The following FMN1 variants were observed in gnomAD, a reference collection of about 807,000 sequenced individuals.
FMN1 encodes formin 1, also known as formin-1.
In FMN1, 110 loss-of-function variants were observed where a neutral mutation model predicts 132.4. The observed-to-expected ratio is 0.83, with a 90% CI of 0.71 to 0.97. The LOEUF is 0.97. Among genes scored for constraint, FMN1 ranks in the 50% least tolerant of loss-of-function variants. The probability of loss-of-function intolerance (pLI) is 0.00; values close to 1 mark genes in which losing one functional copy is unlikely to be tolerated. For synonymous variants in FMN1, 722 were observed against 651.7 expected (o/e 1.11, Z -1.64); for missense variants, 1,792 against 1,705.3 (o/e 1.05, Z -0.90).
chr15:33,059,024 A>G (rs80263855), intron 6 of FMN1, among the ~76,000 whole-genome samples: 2,317 of 152,276 alleles, frequency 0.015, 56 homozygotes, highest in African/African-American at 0.053. Flanking sequence ...GTGCCCTTTG[A>G]TCAACAACTC....
intron 5 of FMN1, among the ~76,000 whole-genome samples, chr15:33,079,142 GTT>G (rs1000593886): frequency 1.7e-4 from 26 of 152,030 alleles, no homozygotes; most frequent in African/African-American, 5.8e-4. Context: ...ATAATACAGA[GTT>G]TTCTCTGTAT....
chr15:33,080,965 G>C (rs571719562), intron 5 of FMN1, among the ~76,000 whole-genome samples: 3 of 152,134 alleles, frequency 2.0e-5, no homozygotes, highest in South Asian at 4.2e-4. Context: ...CCCGGAGCTT[G>C]CTTCAAGGCT....
intron 4 of FMN1, among the ~76,000 whole-genome samples, chr15:33,152,596 C>A (rs1478611864): frequency 6.6e-6 from 1 of 151,892 alleles, no homozygotes; most frequent in Non-Finnish European, 1.5e-5. Flanking sequence ...GAAGACACAG[C>A]GTACTTTTGC....
Position 32,968,800 on chromosome 15 carries a change from G to A in FMN1, c.2901C>T (p.Ser967=), listed in dbSNP as rs528128945. Residue 967 remains serine (S), a synonymous_variant, in exon 8 of 21, where the codon TCC becomes TCT. Transcript: ENST00000616417. ...TGGCTGGTTTTCGAGGACATTGACT[G>A]GAAGAAGAGCCAAGTCCAAAGAAGA... ...PGLFFGLGSS[S]SQCPRKPAIE... 1 of 1,612,794 alleles carries A rather than the reference G, an allele frequency of 6.2e-7. No homozygotes were observed. The highest frequency in any genetic ancestry group is 1.1e-5 in the South Asian group (1 of 90,940).
chr15:33,114,310 T>C (rs1352275839), intron 4 of FMN1, among the ~76,000 whole-genome samples: 2 of 152,214 alleles, frequency 1.3e-5, no homozygotes, highest in African/African-American at 2.4e-5. Context: ...TATAGCATCC[T>C]AAAAGCCTAA....
chr15:32,789,513 G>T (rs2056996510), intron 19 of FMN1, among the ~76,000 whole-genome samples: 1 of 152,164 alleles, frequency 6.6e-6, no homozygotes, highest in African/African-American at 2.4e-5. Flanking sequence ...CATATATGAT[G>T]GTGGTCCCAT....
At chr15:32,836,742 C>A (rs1387340439) in intron 17 of FMN1, among the ~76,000 whole-genome samples, 1 of 152,086 alleles carries the variant, frequency 6.6e-6, no homozygotes, top group Non-Finnish European at 1.5e-5. Flanking sequence ...CTTTTAAAAT[C>A]TGAAAACAAG....
chr15:32,825,108 T>C (rs2058330754), intron 17 of FMN1, among the ~76,000 whole-genome samples: 1 of 152,216 alleles, frequency 6.6e-6, no homozygotes, highest in Admixed American at 6.5e-5. Context: ...CATCCATACT[T>C]TTCCATCTCA....
Position 33,194,337 on chromosome 15 carries a change from G to A in FMN1, c.-349+241C>T, listed in dbSNP as rs944303425. ...GCTGGGACCTGAGAGTCAACGACAG[G>A]AGTTCTGTAGTGAGGAGCGTTGGGA... is the stretch of plus-strand genomic sequence containing the variant. On this transcript the variant is annotated intron_variant, in intron 1 of 20. Transcript: ENST00000616417. Among the ~76,000 whole-genome samples, 6 of 141,448 alleles carry A rather than the reference G, an allele frequency of 4.2e-5. No individual in the cohort carries two copies. In the Admixed American group the frequency reaches 4.3e-4, roughly 10 times the overall value. 92.8% of individuals were successfully genotyped at this position (141,448 alleles called of 152,430 possible).
At chr15:33,188,973 G>T (rs193112941) in intron 2 of FMN1, among the ~76,000 whole-genome samples, 1 of 152,076 alleles carries the variant, frequency 6.6e-6, no homozygotes, top group Non-Finnish European at 1.5e-5. Flanking sequence ...ACTGTTGCTT[G>T]CTGCTTGAAA....
chr15:33,035,144 TTTA>T (rs1338546716), intron 6 of FMN1, among the ~76,000 whole-genome samples: 1 of 152,206 alleles, frequency 6.6e-6, no homozygotes, highest in Non-Finnish European at 1.5e-5. Flanking sequence ...TATGTACTCC[TTTA>T]TTATCACATT....
Position 32,969,141 on chromosome 15 carries a change from G to A in FMN1, c.2560C>T (p.Leu854Phe), listed in dbSNP as rs1479092432. 2 of 1,613,844 alleles carry A rather than the reference G, an allele frequency of 1.2e-6. No homozygotes were observed. The highest frequency in any genetic ancestry group is 1.6e-4 in the Middle Eastern group (1 of 6,084). The change falls in exon 8 of 21, where the codon CTC (leucine) becomes TTC (phenylalanine). Residue 854 changes from leucine (L) to phenylalanine (F), a missense_variant. This residue lies in a region of FMN1 where 1,150 missense variants were observed against 1,043.1 expected (regional missense o/e 1.10). Transcript: ENST00000616417. ...PNDHKDIHAA[L>F]QPMEGMASNQ... ...GATGCCATGCCCTCCATTGGCTGGA[G>A]TGCTGCATGGATGTCTTTGTGGTCA...
chr15:33,069,152 G>A (rs946612053), intron 5 of FMN1, among the ~76,000 whole-genome samples: 1 of 152,130 alleles, frequency 6.6e-6, no homozygotes, highest in Non-Finnish European at 1.5e-5. Flanking sequence ...ACAAAAACAG[G>A]ACAGACAAAA....
chr15:32,905,542 T>C (rs1333385188), intron 12 of FMN1, among the ~76,000 whole-genome samples: 1 of 152,124 alleles, frequency 6.6e-6, no homozygotes, highest in Admixed American at 6.5e-5. Flanking sequence ...TCAACGGCCA[T>C]CCCTAGAGGG....
chr15:32,935,242 T>G (rs1371034441), intron 9 of FMN1, among the ~76,000 whole-genome samples: 2 of 152,208 alleles, frequency 1.3e-5, no homozygotes, highest in South Asian at 4.1e-4. Context: ...TTTCTAGATA[T>G]AGTTTTCTTA....
chr15:32,866,845 G>A (rs1011554138), intron 16 of FMN1, among the ~76,000 whole-genome samples: 5 of 152,116 alleles, frequency 3.3e-5, no homozygotes, highest in African/African-American at 1.2e-4. Flanking sequence ...AAAACACTTT[G>A]TCCCTTAGCG....
chr15:33,168,477 T>C (rs963358429), intron 3 of FMN1, among the ~76,000 whole-genome samples: 3 of 152,352 alleles, frequency 2.0e-5, no homozygotes, highest in African/African-American at 7.2e-5. Flanking sequence ...AGTATGTTAG[T>C]GCTCATGGTT....
intron 17 of FMN1, among the ~76,000 whole-genome samples, chr15:32,822,524 T>C (rs75838274): frequency 2.6e-5 from 4 of 152,210 alleles, no homozygotes; most frequent in East Asian, 1.9e-4. Context: ...CATTTTTTTT[T>C]CCTGCATCCA....
chr15:32,935,490 T>C (rs534602153), intron 9 of FMN1, among the ~76,000 whole-genome samples: 1 of 152,332 alleles, frequency 6.6e-6, no homozygotes, highest in South Asian at 2.1e-4. Flanking sequence ...TCAATCTGAA[T>C]GTTTATTTCT....
Sources: gnomAD v4.1 joint callset for allele counts (sites outside exome capture counted in the v4.1 genomes callset) on GRCh38, gnomAD v4.1.1 for gene constraint, gnomAD v4.1.1 regional missense constraint, MANE v1.5 for transcripts, NCBI Gene and HGNC (gene_info 2026-07-23, HGNC 2026-07-21) for gene names.